Variants in LRRC4C observed in about 807,000 individuals in gnomAD.
The protein encoded by LRRC4C is leucine rich repeat containing 4C.
LRRC4C carries 5 observed loss-of-function variants against 33.6 expected under a neutral mutation model. The observed-to-expected ratio is 0.15, with a 90% confidence interval of 0.08 to 0.31. The LOEUF is 0.31. Ranked by LOEUF, LRRC4C falls within the 10% of genes least tolerant of loss-of-function variation. The pLI is 1.00. For missense variants in LRRC4C, 560 were observed against 796.7 expected (o/e 0.70, Z 3.58); for synonymous variants, 329 against 302.0 (o/e 1.09, Z -0.93).
chr11:40,482,440 A>G (rs1276205345), intron 3 of LRRC4C, among the ~76,000 whole-genome samples: 2 of 152,018 alleles, frequency 1.3e-5, no homozygotes, highest in Admixed American at 1.3e-4. Context: ...AAGCTAATAG[A>G]AACATCAATT....
At chr11:40,644,333 GTTACA>G (rs1942309687) in intron 3 of LRRC4C, among the ~76,000 whole-genome samples, 2 of 152,102 alleles carry the variant, frequency 1.3e-5, no homozygotes. Context: ...AATGTAAAAA[GTTACA>G]GTTACTCTGG....
At chr11:40,218,538 A>G (rs1169741822) in intron 5 of LRRC4C, among the ~76,000 whole-genome samples, 8 of 152,108 alleles carry the variant, frequency 5.3e-5, no homozygotes, top group Non-Finnish European at 7.4e-5. Context: ...GAACTAAGAG[A>G]CCCATAAGTT....
At chr11:41,262,829 A>T (rs1444251514) in intron 1 of LRRC4C, among the ~76,000 whole-genome samples, 1 of 152,134 alleles carries the variant, frequency 6.6e-6, no homozygotes, top group African/African-American at 2.4e-5. Flanking sequence ...TGGCTCTCAG[A>T]GGAACTCAAT....
At chr11:40,745,856 C>A (rs1410968857) in intron 2 of LRRC4C, among the ~76,000 whole-genome samples, 1 of 152,044 alleles carries the variant, frequency 6.6e-6, no homozygotes, top group African/African-American at 2.4e-5. Context: ...CGTTATGAAT[C>A]AAAAAGAATA....
At chr11:41,169,436 C>G (rs1403383782) in intron 1 of LRRC4C, among the ~76,000 whole-genome samples, 1 of 152,128 alleles carries the variant, frequency 6.6e-6, no homozygotes, top group African/African-American at 2.4e-5. Context: ...CCCAATCACT[C>G]TTCTAGATTT....
At chr11:40,596,810 G>A (rs530206404) in intron 3 of LRRC4C, among the ~76,000 whole-genome samples, 1 of 152,228 alleles carries the variant, frequency 6.6e-6, no homozygotes, top group East Asian at 1.9e-4. Flanking sequence ...ATATTGCAGA[G>A]ATGTCTGCAT....
intron 3 of LRRC4C, among the ~76,000 whole-genome samples, chr11:40,538,940 C>T (rs985959725): frequency 5.9e-5 from 9 of 152,084 alleles, no homozygotes; most frequent in African/African-American, 2.2e-4. Context: ...TAAATGTCTT[C>T]TTTTGAGAAG....
At chr11:40,119,567 T>C (rs1239240447) in intron 6 of LRRC4C, among the ~76,000 whole-genome samples, 1 of 152,176 alleles carries the variant, frequency 6.6e-6, no homozygotes, top group Non-Finnish European at 1.5e-5. Context: ...TGGCATACTG[T>C]AGGCACAAAA....
intron 2 of LRRC4C, among the ~76,000 whole-genome samples, chr11:40,852,546 T>C (rs1199919072): frequency 6.6e-6 from 1 of 152,168 alleles, no homozygotes; most frequent in Non-Finnish European, 1.5e-5. Context: ...GTTCTTCTTG[T>C]TTTGTATTGT....
chr11:40,205,575 A>G (rs1430368884), intron 5 of LRRC4C, among the ~76,000 whole-genome samples: 2 of 152,066 alleles, frequency 1.3e-5, no homozygotes, highest in Non-Finnish European at 2.9e-5. Context: ...TCTCCTGCAG[A>G]CTTTGCTATA....
chr11:40,799,429 T>C (rs1950955669), intron 2 of LRRC4C, among the ~76,000 whole-genome samples: 1 of 152,168 alleles, frequency 6.6e-6, no homozygotes, highest in Non-Finnish European at 1.5e-5. Context: ...ATGGTAGAGT[T>C]AAAAGATCAT....
At chr11:40,913,234 C>G (rs1329430499) in intron 2 of LRRC4C, among the ~76,000 whole-genome samples, 2 of 152,174 alleles carry the variant, frequency 1.3e-5, no homozygotes, top group African/African-American at 4.8e-5. Flanking sequence ...CCCAAATCAA[C>G]AGAATATACA....
At chr11:40,996,233 T>G (rs1476970314) in intron 1 of LRRC4C, among the ~76,000 whole-genome samples, 1 of 152,144 alleles carries the variant, frequency 6.6e-6, no homozygotes, top group Non-Finnish European at 1.5e-5. Context: ...TGAGGCTGGG[T>G]AGCAGACTTA....
chr11:40,306,481 T>G (rs1241988432), intron 4 of LRRC4C, among the ~76,000 whole-genome samples: 1 of 152,170 alleles, frequency 6.6e-6, no homozygotes. Flanking sequence ...ATGTTCCAGG[T>G]TCTTTCATTC....
intron 1 of LRRC4C, among the ~76,000 whole-genome samples, chr11:41,081,268 A>C (rs11036218): frequency 0.38 from 57,780 of 152,028 alleles, 11,338 homozygotes; most frequent in East Asian, 0.55. Flanking sequence ...AAACAGACTG[A>C]ACTTAAAACT....
intron 5 of LRRC4C, among the ~76,000 whole-genome samples, chr11:40,180,282 A>G (rs1013168930): frequency 3.3e-5 from 5 of 152,390 alleles, no homozygotes; most frequent in South Asian, 2.1e-4. Context: ...ACATCTGCAC[A>G]TATGTGAAAA....
At chr11:40,949,754 G>A (rs1313095731) in intron 1 of LRRC4C, among the ~76,000 whole-genome samples, 2 of 151,904 alleles carry the variant, frequency 1.3e-5, no homozygotes, top group Non-Finnish European at 2.9e-5. Context: ...ACCAGCTGCT[G>A]CAAAATCATG....
chr11:40,628,650 G>A (rs1231859048), intron 3 of LRRC4C, among the ~76,000 whole-genome samples: 2 of 152,086 alleles, frequency 1.3e-5, no homozygotes, highest in Non-Finnish European at 2.9e-5. Context: ...AAGTGTTGAG[G>A]TCACATTTAG....
intron 2 of LRRC4C, among the ~76,000 whole-genome samples, chr11:40,755,101 T>C (rs539780546): frequency 6.6e-6 from 1 of 152,260 alleles, no homozygotes; most frequent in Admixed American, 6.6e-5. Flanking sequence ...GTTTGCATGA[T>C]AAAGTTTAGC....
Sources: allele counts gnomAD v4.1 joint callset (sites outside exome capture counted in the v4.1 genomes callset), GRCh38; gene constraint gnomAD v4.1.1; transcripts MANE v1.5; gene names NCBI Gene and HGNC (gene_info 2026-07-23, HGNC 2026-07-21).